GLIPR2: variants seen among roughly 807,000 people sequenced by gnomAD.
The protein encoded by GLIPR2 is Golgi-associated plant pathogenesis-related protein 1.
Under a neutral mutation model 20.4 loss-of-function variants are expected in GLIPR2, and 21 were observed. That is an observed-to-expected ratio of 1.03 (90% CI 0.73 to 1.48). GLIPR2 has a LOEUF of 1.48. Ranked by LOEUF, GLIPR2 falls within the 40% of genes most tolerant of loss-of-function variation. The pLI, the probability that GLIPR2 is intolerant of heterozygous loss-of-function variation, is 0.00. For missense variants in GLIPR2, 205 were observed against 200.1 expected (o/e 1.02, Z -0.15); for synonymous variants, 91 against 80.5 (o/e 1.13, Z -0.70).
At chr9:36,150,850 G>A in intron 3 of GLIPR2, 22 bp from the exon 4 acceptor site, 1 of 1,591,210 alleles carries the variant, frequency 6.3e-7, no homozygotes, top group Non-Finnish European at 8.6e-7. Context: ...CTGAGTTTTA[G>A]AACAATGTCA....
At chr9:36,149,712 T>C (rs1825499073) in intron 3 of GLIPR2, among the ~76,000 whole-genome samples, 1 of 152,126 alleles carries the variant, frequency 6.6e-6, no homozygotes, top group Admixed American at 6.5e-5. Flanking sequence ...TGGTCGCACA[T>C]TGGAATCTTT....
intron 4 of GLIPR2, among the ~76,000 whole-genome samples, chr9:36,153,772 G>A (rs771974127): frequency 1.5e-4 from 23 of 151,848 alleles, no homozygotes; most frequent in Non-Finnish European, 3.2e-4. Context: ...GTGGTGATGC[G>A]TGCCTGTAAT....
At chr9:36,138,648 C>G (rs1425657047) in intron 1 of GLIPR2, among the ~76,000 whole-genome samples, 1 of 152,226 alleles carries the variant, frequency 6.6e-6, no homozygotes, top group Admixed American at 6.5e-5. Flanking sequence ...TGTCTAGCAG[C>G]TCTGTATCAA....
chr9:36,155,611 T>C (rs148337196), intron 4 of GLIPR2, among the ~76,000 whole-genome samples: 1 of 151,922 alleles, frequency 6.6e-6, no homozygotes, highest in East Asian at 1.9e-4. Flanking sequence ...AAGTTTTAAA[T>C]GGAGTTTAAC....
chr9:36,141,871 G>C (rs1825103464), intron 1 of GLIPR2: 3 of 454,838 alleles, frequency 6.6e-6, no homozygotes, highest in Non-Finnish European at 1.3e-5. Flanking sequence ...TCCAGCGGTA[G>C]AGGCCTGGCC....
rs1239363211 is a variant in GLIPR2 at position 36,148,680 on chromosome 9, C to T, written c.226+30C>T. On this transcript the variant is annotated intron_variant, in intron 3 of 4. Transcript: ENST00000377960. ...GTCGCATTTTCAGCTCCTCTCCTCT[C>T]TGCGGGAGCTGGAAGAAGGACAAGT... 4.1e-6 allele frequency: 6 copies of T among 1,446,220 alleles called. No homozygotes were observed. The East Asian group carries it at 9.3e-5, about 22-fold the overall frequency. 89.6% of individuals were successfully genotyped at this position (1,446,220 alleles called of 1,614,324 possible). A position where few individuals can be genotyped will look rare whatever the true frequency, so the allele number is the denominator to read the frequency against.
rs73438840 is a variant in GLIPR2 at position 36,150,293 on chromosome 9, G to A, written c.227-579G>A. 7.8e-3 allele frequency among the ~76,000 whole-genome samples: 1,181 copies of A among 152,264 alleles called. 13 individuals are homozygous for A. The highest frequency in any genetic ancestry group is 0.027 in the African/African-American group (1,122 of 41,538). On this transcript the variant is annotated intron_variant, in intron 3 of 4. Transcript: ENST00000377960. ...TGAGACTGACTGCTCTGAGGTCCCC[G>A]CTCCTGGCTCTGGCCCGGAGAGCAG...
intron 1 of GLIPR2, among the ~76,000 whole-genome samples, chr9:36,139,103 G>C (rs2132706089): frequency 6.6e-6 from 1 of 152,286 alleles, no homozygotes; most frequent in Non-Finnish European, 1.5e-5. Flanking sequence ...GGATTTGTGA[G>C]ATGGTGGCCT....
At chr9:36,137,444 A>G (rs868658660) in intron 1 of GLIPR2, among the ~76,000 whole-genome samples, 7 of 152,094 alleles carry the variant, frequency 4.6e-5, no homozygotes, top group Non-Finnish European at 1.0e-4. Flanking sequence ...CCTCCGCCCT[A>G]CACTAGAGCT....
intron 1 of GLIPR2, among the ~76,000 whole-genome samples, chr9:36,138,827 G>C (rs767490972): frequency 9.8e-5 from 15 of 152,334 alleles, no homozygotes; most frequent in Middle Eastern, 3.4e-3. Context: ...TGAGGAGACT[G>C]CTCCGCGTGG....
chr9:36,153,164 C>G (rs1246562431), intron 4 of GLIPR2, among the ~76,000 whole-genome samples: 1 of 151,754 alleles, frequency 6.6e-6, no homozygotes, highest in African/African-American at 2.4e-5. Flanking sequence ...TTTATTCTAC[C>G]CATTTTGAAG....
chr9:36,150,105 G>A (rs1309545678), intron 3 of GLIPR2, among the ~76,000 whole-genome samples: 4 of 152,232 alleles, frequency 2.6e-5, no homozygotes, highest in Admixed American at 1.3e-4. Flanking sequence ...GTTGGTCTGA[G>A]GAAGGACCCA....
rs907910292 is a variant in GLIPR2, at chr9:36,162,452, G to C, written c.395G>C (p.Arg132Thr). The change falls in exon 5 of 5, where the codon AGA becomes ACA. Residue 132 changes from arginine to threonine, a missense_variant. Arg to Thr is a moderately conservative substitution (Grantham distance 71). Coordinates refer to ENST00000377960, the MANE Select transcript of GLIPR2 (RefSeq NM_022343.4). ...ASDGSSFVVA[R>T]YFPAGNVVNE... ...GACGGGTCCTCCTTTGTGGTGGCCA[G>C]ATACTTCCCAGCGGGGAATGTTGTC... The C allele has an allele frequency of 1.9e-6, 3 of 1,614,082 alleles. No individual in the cohort carries two copies. The highest frequency in any genetic ancestry group is 1.1e-5 in the South Asian group (1 of 91,094).
At chr9:36,161,618 CTG>C (rs1826055775) in intron 4 of GLIPR2, among the ~76,000 whole-genome samples, 1 of 151,864 alleles carries the variant, frequency 6.6e-6, no homozygotes, top group African/African-American at 2.4e-5. Context: ...TGGCAAGAGA[CTG>C]TGGCATCCTA....
intron 1 of GLIPR2, among the ~76,000 whole-genome samples, chr9:36,147,493 C>T (rs763473916): frequency 6.6e-6 from 1 of 152,260 alleles, no homozygotes; most frequent in Non-Finnish European, 1.5e-5. Flanking sequence ...TGCCCTGCTC[C>T]CTTTCAGTGG....
chr9:36,142,646 C>T (rs559997403), intron 1 of GLIPR2, among the ~76,000 whole-genome samples: 4 of 152,252 alleles, frequency 2.6e-5, no homozygotes, highest in Admixed American at 6.5e-5. Context: ...CTTCCCCCAT[C>T]GTAGGGTGGC....
At chr9:36,155,341 T>A (rs1303232607) in intron 4 of GLIPR2, among the ~76,000 whole-genome samples, 1 of 152,192 alleles carries the variant, frequency 6.6e-6, no homozygotes, top group Non-Finnish European at 1.5e-5. Context: ...ATGCCTGTAA[T>A]CCCAGCACTT....
At chr9:36,159,614 C>T (rs544068563) in intron 4 of GLIPR2, among the ~76,000 whole-genome samples, 9 of 152,054 alleles carry the variant, frequency 5.9e-5, no homozygotes, top group Non-Finnish European at 1.0e-4. Context: ...AAGAATGGTA[C>T]ATAGGGGAAA....
intron 1 of GLIPR2, among the ~76,000 whole-genome samples, chr9:36,147,135 G>A (rs1825363546): frequency 6.6e-6 from 1 of 152,154 alleles, no homozygotes; most frequent in African/African-American, 2.4e-5. Flanking sequence ...AATTCTCGAG[G>A]TATTTCTTAA....
Sources: gnomAD v4.1 joint callset for allele counts (sites outside exome capture counted in the v4.1 genomes callset) on GRCh38, gnomAD v4.1.1 for gene constraint, MANE v1.5 for transcripts, NCBI Gene and HGNC (gene_info 2026-07-23, HGNC 2026-07-21) for gene names.